The following OTUD7A variants were observed in gnomAD, a reference collection of about 807,000 sequenced individuals.
OTUD7A encodes OTU deubiquitinase 7A.
In OTUD7A, 12 loss-of-function variants were observed where a neutral mutation model predicts 65.7. The ratio of observed to expected loss-of-function variants is 0.18; its 90% CI spans 0.12 to 0.30. The LOEUF (loss-of-function observed/expected upper bound fraction) is 0.30. OTUD7A is among the 10% of genes least tolerant of loss of function. OTUD7A has a pLI of 1.00. For synonymous variants in OTUD7A, 641 were observed against 586.3 expected, an observed-to-expected ratio of 1.09 and a Z score of -1.35; for missense variants, 1,148 against 1,304.8, an observed-to-expected ratio of 0.88 and a Z score of 1.85.
rs1209470021 is a variant in OTUD7A, at chr15:31,695,088, G to A, written c.-99-38011C>T. Among the ~76,000 whole-genome samples the A allele has an allele frequency of 6.6e-5, 10 of 152,212 alleles. No homozygotes were observed. The Middle Eastern group carries it at 0.01, about 155-fold the overall frequency. On this transcript the variant is annotated intron_variant, in intron 1 of 12. Transcript: ENST00000307050. ...TCTCGATCCCCTGACCTTGCGATCC[G>A]CCCACCTCGGCCTCCCAAAGTGCTG...
chr15:31,508,953 G>C (rs184431106), intron 8 of OTUD7A, among the ~76,000 whole-genome samples: 2 of 152,168 alleles, frequency 1.3e-5, no homozygotes, highest in Non-Finnish European at 2.9e-5. Flanking sequence ...GGCCGCCCTC[G>C]GGCTTTGAGA....
chr15:31,547,064 G>A (rs1420778084), intron 5 of OTUD7A, among the ~76,000 whole-genome samples: 1 of 113,470 alleles, frequency 8.8e-6, no homozygotes, highest in Non-Finnish European at 2.2e-5. Context: ...AAGGGTAATG[G>A]GTCTAGCTCC....
intron 10 of OTUD7A, among the ~76,000 whole-genome samples, chr15:31,488,652 C>A (rs2041273463): frequency 6.6e-6 from 1 of 152,190 alleles, no homozygotes; most frequent in African/African-American, 2.4e-5. Context: ...GCCCATGGTT[C>A]ATGGCAAGGG....
At chr15:31,583,732 C>T (rs1889444321) in intron 3 of OTUD7A, among the ~76,000 whole-genome samples, 1 of 152,016 alleles carries the variant, frequency 6.6e-6, no homozygotes, top group Non-Finnish European at 1.5e-5. Flanking sequence ...TTATAAATTA[C>T]CCAGTCTCAG....
At chr15:31,577,749 T>C (rs577689191) in intron 3 of OTUD7A, among the ~76,000 whole-genome samples, 1 of 151,810 alleles carries the variant, frequency 6.6e-6, no homozygotes, top group South Asian at 2.1e-4. Flanking sequence ...TCAACAATAC[T>C]ATGTTCCTAG....
chr15:31,635,397 A>G (rs966704755), intron 3 of OTUD7A, among the ~76,000 whole-genome samples: 14 of 152,174 alleles, frequency 9.2e-5, no homozygotes, highest in South Asian at 2.1e-4. Context: ...AATTAGTAAG[A>G]CCTAGGGCTA....
At chr15:31,866,605 C>T (rs1485144392) in intron 1 of OTUD7A, among the ~76,000 whole-genome samples, 1 of 152,088 alleles carries the variant, frequency 6.6e-6, no homozygotes, top group Non-Finnish European at 1.5e-5. Context: ...TGGCAGTCTA[C>T]CAATAGGCAA....
At chr15:31,573,421 G>C (rs1042988434) in intron 3 of OTUD7A, among the ~76,000 whole-genome samples, 1 of 152,216 alleles carries the variant, frequency 6.6e-6, no homozygotes, top group African/African-American at 2.4e-5. Flanking sequence ...CAGTCAGGCA[G>C]CAGTAAGTTT....
chr15:31,806,672 A>C (rs1022534293), intron 1 of OTUD7A, among the ~76,000 whole-genome samples: 1 of 152,198 alleles, frequency 6.6e-6, no homozygotes, highest in Non-Finnish European at 1.5e-5. Flanking sequence ...GCACAGCCAA[A>C]GTCTCTTGTC....
intron 1 of OTUD7A, among the ~76,000 whole-genome samples, chr15:31,778,071 G>A (rs1236204653): frequency 6.6e-6 from 1 of 152,126 alleles, no homozygotes; most frequent in Admixed American, 6.5e-5. Flanking sequence ...GGCCTGGGCT[G>A]GGGGATTGAT....
intron 3 of OTUD7A, chr15:31,649,764 G>A (rs1217866710): frequency 2.0e-5 from 9 of 446,816 alleles, no homozygotes; most frequent in African/African-American, 4.0e-5. Flanking sequence ...GGGTGCAGCC[G>A]GGACCCCTGG....
At chr15:31,846,490 C>T (rs894735604) in intron 1 of OTUD7A, among the ~76,000 whole-genome samples, 3 of 152,102 alleles carry the variant, frequency 2.0e-5, no homozygotes, top group African/African-American at 7.2e-5. Flanking sequence ...AAGGGGAGAA[C>T]TCTGACAATG....
intron 3 of OTUD7A, among the ~76,000 whole-genome samples, chr15:31,626,259 A>G (rs1890947883): frequency 6.6e-6 from 1 of 152,238 alleles, no homozygotes; most frequent in Non-Finnish European, 1.5e-5. Context: ...GGTGAAATGT[A>G]AGCTACGTAT....
In OTUD7A at chr15:31,835,730, G is replaced by GTACACACATATATATACA. The variant is rs568002887; in HGVS notation, c.-100+34759_-100+34776dup. On this transcript the variant is annotated intron_variant, in intron 1 of 12. Transcript: ENST00000307050. ...CATACAAATACATAGGTATATACAT[G>GTACACACATATATATACA]TACACACATATATATACATACACAC... is the stretch of plus-strand genomic sequence containing the variant. Among the ~76,000 whole-genome samples, 375 of 151,762 alleles carry GTACACACATATATATACA rather than the reference G, an allele frequency of 2.5e-3. 2 individuals carry two copies. Among genetic ancestry groups the GTACACACATATATATACA allele is most frequent in the African/African-American group, 8.6e-3 (355 of 41,376 alleles).
chr15:31,846,636 T>C (rs1220245453), intron 1 of OTUD7A, among the ~76,000 whole-genome samples: 1 of 152,064 alleles, frequency 6.6e-6, no homozygotes, highest in Non-Finnish European at 1.5e-5. Context: ...TGAGCCCCCA[T>C]CAATATCCAG....
At chr15:31,570,266 C>G in intron 3 of OTUD7A, 69 bp from the exon 4 acceptor site, 1 of 1,522,426 alleles carries the variant, frequency 6.6e-7, no homozygotes. Context: ...TAGAGAAGAA[C>G]TGTGACAAGA....
chr15:31,507,630 T>G (rs1163104748), intron 8 of OTUD7A, among the ~76,000 whole-genome samples: 1 of 64,978 alleles, frequency 1.5e-5, no homozygotes, highest in Non-Finnish European at 2.9e-5. Context: ...CTGCCGCTGC[T>G]GGCTGGGGGG....
intron 1 of OTUD7A, among the ~76,000 whole-genome samples, chr15:31,751,961 A>C (rs530427481): frequency 7.9e-5 from 12 of 152,334 alleles, no homozygotes; most frequent in African/African-American, 2.9e-4. Flanking sequence ...CACTATGTAC[A>C]TGATGGGATC....
intron 8 of OTUD7A, among the ~76,000 whole-genome samples, chr15:31,517,759 T>C (rs1017348406): frequency 6.6e-6 from 1 of 152,208 alleles, no homozygotes; most frequent in East Asian, 1.9e-4. Flanking sequence ...GAGGAGTCCC[T>C]CCTGGCAGGA....
Sources: gnomAD v4.1 joint callset for allele counts (sites outside exome capture counted in the v4.1 genomes callset) on GRCh38, gnomAD v4.1.1 for gene constraint, MANE v1.5 for transcripts, NCBI Gene and HGNC (gene_info 2026-07-23, HGNC 2026-07-21) for gene names.